TECTA: variants seen among roughly 807,000 people sequenced by gnomAD.
TECTA encodes tectorin alpha, also known as alpha-tectorin.
Under a neutral mutation model 216.8 loss-of-function variants are expected in TECTA, and 128 were observed. The observed-to-expected ratio is 0.59, with a 90% CI of 0.51 to 0.68. TECTA has a LOEUF of 0.68. Ranked by LOEUF, TECTA falls within the 30% of genes least tolerant of loss-of-function variation. TECTA has a pLI of 0.00. For missense variants in TECTA, 2,551 were observed against 2,786.2 expected (o/e 0.92, Z 1.90); for synonymous variants, 1,089 against 1,117.1 (o/e 0.97, Z 0.50).
intron 16 of TECTA, 138 bp from the exon 17 acceptor site, chr11:121,165,135 G>T (rs1027501284): frequency 1.1e-4 from 91 of 806,086 alleles, no homozygotes; most frequent in Non-Finnish European, 1.8e-4. Flanking sequence ...CTGGAAGGTT[G>T]CCCTGTCTGT....
intron 13 of TECTA, among the ~76,000 whole-genome samples, chr11:121,153,300 T>G (rs1427643097): frequency 1.3e-5 from 2 of 152,108 alleles, no homozygotes; most frequent in African/African-American, 2.4e-5. Context: ...AGTGTCTCCT[T>G]CCTCCCTCCT....
intron 4 of TECTA, among the ~76,000 whole-genome samples, chr11:121,112,601 G>A (rs149995010): frequency 2.6e-5 from 4 of 152,120 alleles, no homozygotes; most frequent in African/African-American, 4.8e-5. Context: ...TTGTTTTCCG[G>A]GAAGAGAGAG....
In TECTA at chr11:121,146,085, G is replaced by A. The variant is rs141674508; in HGVS notation, c.4074G>A (p.Thr1358=). The change falls in exon 12 of 24, where the codon ACG becomes ACA. Residue 1358 remains threonine, a synonymous_variant. Coordinates refer to ENST00000392793, the MANE Select transcript of TECTA (RefSeq NM_005422.4). The part of the protein sequence containing the change: ...YASTCQTQGI[T]VTGWRNYTSC... ...GCACCTGCCAGACTCAGGGGATTAC[G>A]GTGACTGGCTGGAGGAATTACACGT... The A allele has an allele frequency of 1.1e-3, 1,786 of 1,611,660 alleles. 21 individuals carry two copies. The African/African-American group carries it at 0.021, about 19-fold the overall frequency.
At chr11:121,108,560 G>A in intron 3 of TECTA, among the ~76,000 whole-genome samples, 1 of 126,390 alleles carries the variant, frequency 7.9e-6, no homozygotes. Flanking sequence ...ACCACCCCCA[G>A]TACACACACA....
At chr11:121,142,985 C>G (rs1445318716) in intron 11 of TECTA, among the ~76,000 whole-genome samples, 1 of 152,212 alleles carries the variant, frequency 6.6e-6, no homozygotes, top group Non-Finnish European at 1.5e-5. Flanking sequence ...AATCCAATCT[C>G]TCTCCTCCCC....
At chr11:121,146,592 C>T (rs2155364) in intron 12 of TECTA, among the ~76,000 whole-genome samples, 18,373 of 152,200 alleles carry the variant, frequency 0.12, 1,513 homozygotes, top group South Asian at 0.33. Flanking sequence ...ATTAAGAGTA[C>T]ATTAGAGAAG....
chr11:121,184,040 T>G (rs1947257408), intron 20 of TECTA, among the ~76,000 whole-genome samples: 1 of 152,140 alleles, frequency 6.6e-6, no homozygotes, highest in Non-Finnish European at 1.5e-5. Flanking sequence ...CCTCCCATCT[T>G]CGCCTCCCAA....
At chr11:121,126,569 C>T (rs556970857) in intron 8 of TECTA, among the ~76,000 whole-genome samples, 77 of 152,114 alleles carry the variant, frequency 5.1e-4, no homozygotes, top group Non-Finnish European at 9.7e-4. Context: ...AAATAGATTT[C>T]GTTTCCTTCC....
At chr11:121,183,182 G>A (rs1442244522) in intron 20 of TECTA, among the ~76,000 whole-genome samples, 2 of 152,116 alleles carry the variant, frequency 1.3e-5, no homozygotes, top group Non-Finnish European at 2.9e-5. Context: ...TTTTAAGTAG[G>A]CATGAGGGGT....
At chr11:121,143,469 C>T (rs1946803777) in intron 11 of TECTA, among the ~76,000 whole-genome samples, 1 of 152,236 alleles carries the variant, frequency 6.6e-6, no homozygotes, top group Non-Finnish European at 1.5e-5. Flanking sequence ...GCAGGCAGCC[C>T]TGATCTTGTG....
intron 16 of TECTA, among the ~76,000 whole-genome samples, chr11:121,163,488 T>G: frequency 1.3e-5 from 2 of 150,316 alleles, no homozygotes; most frequent in South Asian, 2.1e-4. Flanking sequence ...TTAGGAGATA[T>G]ACCTAATGCT....
chr11:121,115,233 C>T (rs1946490302), intron 6 of TECTA, among the ~76,000 whole-genome samples: 1 of 151,876 alleles, frequency 6.6e-6, no homozygotes, highest in Non-Finnish European at 1.5e-5. Flanking sequence ...ATTCACCCAC[C>T]CATCCATCCA....
At chr11:121,129,551 G>C in intron 9 of TECTA, 87 bp from the exon 10 acceptor site, 7 of 1,383,958 alleles carry the variant, frequency 5.1e-6, no homozygotes, top group Non-Finnish European at 7.2e-6. Flanking sequence ...CTAGCAATAG[G>C]GCAGACCGTG....
At chr11:121,179,867 C>CA (rs1476447504) in intron 20 of TECTA, among the ~76,000 whole-genome samples, 1 of 151,926 alleles carries the variant, frequency 6.6e-6, no homozygotes, top group Non-Finnish European at 1.5e-5. Context: ...TTGATTGTCA[C>CA]AAATTATCTT....
intron 20 of TECTA, among the ~76,000 whole-genome samples, chr11:121,169,664 T>G (rs1292349781): frequency 6.6e-6 from 1 of 152,178 alleles, no homozygotes; most frequent in African/African-American, 2.4e-5. Flanking sequence ...ATTGCAATTA[T>G]CACCATAATC....
At position 121,168,835 on chromosome 11, in the gene TECTA, C is replaced by A; in HGVS notation, c.5909C>A (p.Ala1970Asp). 1 of 1,614,124 alleles carries A rather than the reference C, an allele frequency of 6.2e-7. No individual in the cohort carries two copies. Among genetic ancestry groups the A allele is most frequent in the Non-Finnish European group, 8.5e-7 (1 of 1,180,024 alleles). Residue 1970 changes from alanine (A) to aspartate (D), a missense_variant, in exon 20 of 24, where the codon GCC becomes GAC. Transcript: ENST00000392793. ...YVGVFVVGAD[A>D]THLILTLNKC... Reference sequence around the variant, plus strand: ...GGGGTTTTTGTGGTTGGAGCTGACGCCACACATTTAATCCTAACACTCAAC... The same window carrying A: ...GGGGTTTTTGTGGTTGGAGCTGACGACACACATTTAATCCTAACACTCAAC...
Position 121,127,613 on chromosome 11 carries a change from T to A in TECTA, c.1775-139T>A. The A allele has an allele frequency of 2.2e-6, 2 of 922,708 alleles. No homozygotes were observed. Among genetic ancestry groups the A allele is most frequent in the Non-Finnish European group, 1.7e-6 (1 of 573,998 alleles). 57.2% of individuals were successfully genotyped at this position (922,708 alleles called of 1,614,324 possible). A position where few individuals can be genotyped will look rare whatever the true frequency, so the allele number is the denominator to read the frequency against. Reference sequence around the variant, plus strand: ...TGAGCTGGGTTTTACAGATACAACCTCAATTCTGTCTTCCCCGAGTGGCCG... The same window carrying A: ...TGAGCTGGGTTTTACAGATACAACCACAATTCTGTCTTCCCCGAGTGGCCG... On this transcript the variant is annotated intron_variant, in intron 8 of 23. Transcript: ENST00000392793. This position sits in a 1 kb window ranked among gnomAD's most constrained non-coding sequence, Gnocchi z 5.0.
chr11:121,125,939 C>A (rs1345603085), intron 8 of TECTA, 67 bp downstream of exon 8: 2 of 1,543,792 alleles, frequency 1.3e-6, no homozygotes, highest in Non-Finnish European at 1.8e-6. Flanking sequence ...GCTTTGGGGG[C>A]TCCTCCAAAT....
chr11:121,170,818 T>C (rs1947104171), intron 20 of TECTA, among the ~76,000 whole-genome samples: 1 of 152,204 alleles, frequency 6.6e-6, no homozygotes, highest in African/African-American at 2.4e-5. Context: ...TTCTTGCATA[T>C]TCTGGATACT....
Sources: allele counts gnomAD v4.1 joint callset (sites outside exome capture counted in the v4.1 genomes callset), GRCh38; gene constraint gnomAD v4.1.1; non-coding constraint Gnocchi (gnomAD v3.1); transcripts MANE v1.5; gene names NCBI Gene and HGNC (gene_info 2026-07-23, HGNC 2026-07-21).